CNOT7: variants seen among roughly 807,000 people sequenced by gnomAD.
CNOT7 encodes the protein BTG1-binding factor 1.
In CNOT7, 4 loss-of-function variants were observed where a neutral mutation model predicts 37.1. The ratio of observed to expected loss-of-function variants is 0.11; its 90% CI spans 0.05 to 0.25. CNOT7 has a LOEUF of 0.25. Among genes scored for constraint, CNOT7 ranks in the 10% least tolerant of loss-of-function variants. The probability of loss-of-function intolerance (pLI) is 1.00; values close to 1 mark genes in which losing one functional copy is unlikely to be tolerated. For synonymous variants in CNOT7, 128 were observed against 115.6 expected, an observed-to-expected ratio of 1.11 and a Z score of -0.69; for missense variants, 170 against 336.2, an observed-to-expected ratio of 0.51 and a Z score of 3.87.
In CNOT7 at chr8:17,226,029, C is replaced by CTTTTTTTTT. The variant is rs61036000; in HGVS notation, c.*4682_*4690dup. The CTTTTTTTTT allele has an allele frequency of 1.4e-3, 85 of 58,722 alleles. 17 individuals carry two copies. The highest frequency in any genetic ancestry group is 2.0e-3 in the Non-Finnish European group (66 of 33,556). 3.6% of individuals were successfully genotyped at this position (58,722 alleles called of 1,614,324 possible). A position where few individuals can be genotyped will look rare whatever the true frequency, so the allele number is the denominator to read the frequency against. ...TCTTCTAGTAGAGAGGTGGACAAGC[C>CTTTTTTTTT]TTTTTTTTTTTTTTTTTTTTTTTTT... On this transcript the variant is annotated 3_prime_UTR_variant, in exon 7 of 7. Coordinates refer to ENST00000361272, the MANE Select transcript of CNOT7 (RefSeq NM_013354.7).
chr8:17,240,935 A>C (rs1810073747), intron 3 of CNOT7, among the ~76,000 whole-genome samples: 2 of 152,186 alleles, frequency 1.3e-5, no homozygotes, highest in South Asian at 2.1e-4. Context: ...AAACTAACTT[A>C]AACAACAACA....
rs1049580693 is a variant in CNOT7, at chr8:17,229,789, G to C, written c.*931C>G. ...TTATCTTTGGATTTTTAATAAAATT[G>C]ATTTGTGTAACCAACAAATCAAGAG... On this transcript the variant is annotated 3_prime_UTR_variant, in exon 7 of 7. Coordinates refer to ENST00000361272, the MANE Select transcript of CNOT7 (RefSeq NM_013354.7). 6.7e-6 allele frequency: 1 copy of C among 150,324 alleles called. No homozygotes were observed. Among genetic ancestry groups the C allele is most frequent in the African/African-American group, 2.5e-5 (1 of 40,696 alleles). 9.3% of individuals were successfully genotyped at this position (150,324 alleles called of 1,614,324 possible).
Position 17,245,026 on chromosome 8 carries a change from G to C in CNOT7, c.117+10C>G, listed in dbSNP as rs755150086. 1 of 1,601,940 alleles carries C rather than the reference G, an allele frequency of 6.2e-7. No individual in the cohort carries two copies. Among genetic ancestry groups the C allele is most frequent in the South Asian group, 1.1e-5 (1 of 90,322 alleles). On this transcript the variant is annotated intron_variant, in intron 2 of 6. Transcript: ENST00000361272. ...TATGAAGCGTTTTAAAGATCTGCTT[G>C]TGGGCATACCATAGCAACGTAATTA...
chr8:17,241,532 A>G (rs1810165627), intron 3 of CNOT7: 1 of 152,204 alleles, frequency 6.6e-6, no homozygotes, highest in African/African-American at 2.4e-5. Flanking sequence ...TTATCTGACA[A>G]AGAACAGGAA....
chr8:17,245,558 GCCAT>G (rs1810847711), intron 1 of CNOT7, among the ~76,000 whole-genome samples: 1 of 152,094 alleles, frequency 6.6e-6, no homozygotes, highest in Non-Finnish European at 1.5e-5. Context: ...ACTTTATAAA[GCCAT>G]CCATTTCCAG....
In CNOT7 at chr8:17,228,128, T is replaced by G. The variant is rs1257310954; in HGVS notation, c.*2592A>C. On this transcript the variant is annotated 3_prime_UTR_variant, in exon 7 of 7. Transcript: ENST00000361272. Reference sequence around the variant, plus strand: ...TTTCAGATGTCAGGAAATAATCTTTTGATTATTTTTCCCAACCATTTAAAA... The same window carrying G: ...TTTCAGATGTCAGGAAATAATCTTTGGATTATTTTTCCCAACCATTTAAAA... The G allele has an allele frequency of 6.6e-6, 1 of 151,908 alleles. No homozygotes were observed. Among genetic ancestry groups the G allele is most frequent in the Non-Finnish European group, 1.5e-5 (1 of 67,830 alleles). The allele number at this position is 151,908 out of a possible 1,614,324, so 9.4% of individuals were successfully genotyped here.
chr8:17,231,838 T>C (rs1269757353), intron 6 of CNOT7: 4 of 985,720 alleles, frequency 4.1e-6, no homozygotes, highest in African/African-American at 3.5e-5. Flanking sequence ...AGGGTTTTCC[T>C]AATATGGTTT....
intron 2 of CNOT7, among the ~76,000 whole-genome samples, chr8:17,243,799 C>T (rs533941182): frequency 1.3e-5 from 2 of 152,286 alleles, no homozygotes; most frequent in South Asian, 4.1e-4. Flanking sequence ...CTATGAATTT[C>T]CATTGGTTAA....
Position 17,243,120 on chromosome 8 carries a change from T to G in CNOT7, c.183A>C (p.Gln61His). The G allele has an allele frequency of 6.2e-7, 1 of 1,610,708 alleles. No homozygotes were observed. The highest frequency in any genetic ancestry group is 8.5e-7 in the Non-Finnish European group (1 of 1,179,266). ...CTACATTACACCGCAATAGTTGGTA[T>G]TGATAGTCAGCATTGCTCCTGAATT... ...IGEFRSNADYQYQLLRCNVDL... is the reference protein window; with the variant it reads ...IGEFRSNADYHYQLLRCNVDL... Residue 61 changes from glutamine (Q) to histidine (H), a missense_variant, in exon 3 of 7, where the codon CAA becomes CAC. Gln to His is a conservative substitution (Grantham distance 24, BLOSUM62 0). Around this residue, in one of 6 missense-constraint regions of CNOT7, gnomAD observed 18 missense variants for 57.0 expected, o/e 0.32. Transcript: ENST00000361272.
chr8:17,243,258 T>A (rs1810435085), intron 2 of CNOT7, 73 bp from the exon 3 acceptor site: 45 of 1,223,228 alleles, frequency 3.7e-5, no homozygotes, highest in Non-Finnish European at 5.1e-5. Context: ...TAATTTTTGA[T>A]GCAAATCAAA....
Position 17,226,193 on chromosome 8 carries a change from TTTC to T in CNOT7, c.*4524_*4526del, listed in dbSNP as rs1383974544. 2 of 151,506 alleles carry T rather than the reference TTTC, an allele frequency of 1.3e-5. No homozygotes were observed. The highest frequency in any genetic ancestry group is 4.8e-5 in the African/African-American group (2 of 41,374). 9.4% of individuals were successfully genotyped at this position (151,506 alleles called of 1,614,324 possible). ...CTCAAAATATTGAGTACAATTTTTTTTTCTTTTTTTAGTAATAGAGTTCTACTA... is the reference window on the plus strand; with the variant it reads ...CTCAAAATATTGAGTACAATTTTTTTTTTTTTTAGTAATAGAGTTCTACTA... On this transcript the variant is annotated 3_prime_UTR_variant, in exon 7 of 7. Coordinates refer to ENST00000361272, the MANE Select transcript of CNOT7 (RefSeq NM_013354.7).
At chr8:17,238,138 T>C (rs1809629666) in intron 3 of CNOT7, among the ~76,000 whole-genome samples, 1 of 152,194 alleles carries the variant, frequency 6.6e-6, no homozygotes, top group African/African-American at 2.4e-5. Context: ...ATTAAAAGTT[T>C]CCAAAATATA....
rs1019440109 is a variant in CNOT7, at chr8:17,228,853, G to T, written c.*1867C>A. The T allele has an allele frequency of 3.3e-5, 5 of 151,880 alleles. No individual in the cohort carries two copies. Among genetic ancestry groups the T allele is most frequent in the Non-Finnish European group, 7.4e-5 (5 of 67,856 alleles). 9.4% of individuals were successfully genotyped at this position (151,880 alleles called of 1,614,324 possible). On this transcript the variant is annotated 3_prime_UTR_variant, in exon 7 of 7. Transcript: ENST00000361272. Reference sequence around the variant, plus strand: ...TTTTCTCAGCTAACAAATCACAAGCGAAAAGAAGCTTCACTTCCTTTTTAA... The same window carrying T: ...TTTTCTCAGCTAACAAATCACAAGCTAAAAGAAGCTTCACTTCCTTTTTAA...
chr8:17,231,639 G>GA (rs1808628094), intron 6 of CNOT7: 6 of 985,172 alleles, frequency 6.1e-6, no homozygotes, highest in Non-Finnish European at 7.2e-6. Flanking sequence ...TTCCAAAAGG[G>GA]AAAACTTATA....
At chr8:17,234,941 T>G (rs1214951423) in intron 4 of CNOT7, 81 bp from the exon 5 acceptor site, 2 of 1,283,996 alleles carry the variant, frequency 1.6e-6, no homozygotes, top group Non-Finnish European at 2.1e-6. Flanking sequence ...CTGATTCAAA[T>G]TTAAGCAAGT....
intron 4 of CNOT7, 137 bp downstream of exon 4, chr8:17,237,075 A>G: frequency 1.3e-6 from 1 of 791,110 alleles, no homozygotes; most frequent in South Asian, 1.8e-5. Flanking sequence ...TAGCCTCCTA[A>G]GAGTTAGGAG....
chr8:17,233,968 C>A, intron 5 of CNOT7, among the ~76,000 whole-genome samples: 1 of 152,146 alleles, frequency 6.6e-6, no homozygotes, highest in East Asian at 1.9e-4. Context: ...GCAGGAGAAT[C>A]ACTTGAACCC....
At position 17,229,964 on chromosome 8, in the gene CNOT7, A is replaced by G. The variant is rs1808422785; in HGVS notation, c.*756T>C. On this transcript the variant is annotated 3_prime_UTR_variant, in exon 7 of 7. Coordinates refer to ENST00000361272, the MANE Select transcript of CNOT7 (RefSeq NM_013354.7). ...GTTTCCTGGCAGATAGTAAACATCC[A>G]ATCACAAGGGATTTTTCCTGAAGGG... is the stretch of plus-strand genomic sequence containing the variant. 6.6e-6 allele frequency: 1 copy of G among 152,396 alleles called. No homozygotes were observed. Among genetic ancestry groups the G allele is most frequent in the Non-Finnish European group, 1.5e-5 (1 of 67,874 alleles). 9.4% of individuals were successfully genotyped at this position (152,396 alleles called of 1,614,324 possible).
At chr8:17,234,534 T>C in intron 5 of CNOT7, 182 bp downstream of exon 5, 1 of 621,502 alleles carries the variant, frequency 1.6e-6, no homozygotes, top group East Asian at 3.0e-5. Context: ...ACTGAAGCTC[T>C]GAAAAAAGGA....
Sources: allele counts gnomAD v4.1 joint callset (sites outside exome capture counted in the v4.1 genomes callset), GRCh38; gene constraint gnomAD v4.1.1; regional missense constraint gnomAD v4.1.1; transcripts MANE v1.5; gene names NCBI Gene and HGNC (gene_info 2026-07-23, HGNC 2026-07-21).